Variants in CCDC192 observed in about 807,000 individuals in gnomAD.
CCDC192 encodes coiled-coil domain-containing protein 192.
intron 2 of CCDC192, among the ~76,000 whole-genome samples, chr5:127,735,096 A>T (rs1752893567): frequency 1.5e-5 from 2 of 129,394 alleles, no homozygotes; most frequent in Admixed American, 1.6e-4. Flanking sequence ...TCTTGAATTG[A>T]TTTTTGTATA....
chr5:127,903,056 T>A (rs1753087168), intron 6 of CCDC192, among the ~76,000 whole-genome samples: 1 of 152,126 alleles, frequency 6.6e-6, no homozygotes, highest in Non-Finnish European at 1.5e-5. Flanking sequence ...CAGGAATCCA[T>A]CTGTCTCCCA....
At chr5:127,816,686 C>T (rs1227140850) in intron 5 of CCDC192, among the ~76,000 whole-genome samples, 1 of 152,174 alleles carries the variant, frequency 6.6e-6, no homozygotes, top group Middle Eastern at 3.2e-3. Context: ...ACAGAGGGCA[C>T]ATAGCAGCTA....
intron 6 of CCDC192, among the ~76,000 whole-genome samples, chr5:127,902,220 C>T (rs181373282): frequency 1.4e-4 from 22 of 152,110 alleles, no homozygotes; most frequent in Admixed American, 2.0e-4. Flanking sequence ...TTCAGTGAGT[C>T]GACATCCTGC....
chr5:127,870,025 G>C (rs1169905450), intron 5 of CCDC192, among the ~76,000 whole-genome samples: 1 of 152,122 alleles, frequency 6.6e-6, no homozygotes, highest in Non-Finnish European at 1.5e-5. Flanking sequence ...GTATCAACTA[G>C]CTCCCCAAAA....
chr5:127,826,639 T>C (rs1749545938), intron 5 of CCDC192, among the ~76,000 whole-genome samples: 1 of 145,150 alleles, frequency 6.9e-6, no homozygotes, highest in African/African-American at 2.6e-5. Context: ...TGGAGGCTAC[T>C]AGATGGGAGA....
At chr5:127,786,337 GAAA>G (rs537299729) in intron 3 of CCDC192, 8 of 544,764 alleles carry the variant, frequency 1.5e-5, no homozygotes, top group Non-Finnish European at 2.7e-5. Context: ...CTCTGTGACA[GAAA>G]AAAAAAAGAG....
chr5:127,834,189 A>T (rs1430948082), intron 5 of CCDC192, among the ~76,000 whole-genome samples: 1 of 152,160 alleles, frequency 6.6e-6, no homozygotes, highest in Non-Finnish European at 1.5e-5. Context: ...GGAATCTACA[A>T]AACAGATTAC....
intron 2 of CCDC192, among the ~76,000 whole-genome samples, chr5:127,715,927 C>T (rs545756005): frequency 6.6e-6 from 1 of 152,132 alleles, no homozygotes; most frequent in Non-Finnish European, 1.5e-5. Context: ...GCTTCCAGTA[C>T]TATGTTGAAT....
intron 2 of CCDC192, among the ~76,000 whole-genome samples, chr5:127,752,824 T>C (rs1396312912): frequency 1.3e-5 from 2 of 152,098 alleles, no homozygotes; most frequent in African/African-American, 4.8e-5. Flanking sequence ...GGTGCGCCGT[T>C]TTTTAAGCCG....
At chr5:127,753,395 G>C (rs534119524) in intron 2 of CCDC192, among the ~76,000 whole-genome samples, 3 of 152,244 alleles carry the variant, frequency 2.0e-5, no homozygotes, top group Admixed American at 2.0e-4. Context: ...CTGAGAAAAA[G>C]TAACTTTAGA....
chr5:127,756,341 A>G (rs1030799469), intron 3 of CCDC192, among the ~76,000 whole-genome samples: 17 of 152,176 alleles, frequency 1.1e-4, no homozygotes, highest in African/African-American at 4.1e-4. Flanking sequence ...TTATTACTCA[A>G]ATCAGTCTCC....
chr5:127,883,665 C>T (rs1480044778), intron 6 of CCDC192, among the ~76,000 whole-genome samples: 1 of 152,196 alleles, frequency 6.6e-6, no homozygotes, highest in Admixed American at 6.5e-5. Context: ...AGATTTATTG[C>T]ACAGAAGATC....
At chr5:127,703,599 T>G in intron 1 of CCDC192, 92 bp downstream of exon 1, 1 of 392,970 alleles carries the variant, frequency 2.5e-6, no homozygotes, top group Non-Finnish European at 4.5e-6. Flanking sequence ...AATCTTTCTT[T>G]AAAGTCTGGG....
At chr5:127,929,494 A>T (rs981755399) in intron 6 of CCDC192, among the ~76,000 whole-genome samples, 1 of 152,218 alleles carries the variant, frequency 6.6e-6, no homozygotes, top group Admixed American at 6.5e-5. Flanking sequence ...TTGGTACAAT[A>T]AAAGATTGCA....
chr5:127,773,736 T>C (rs1755693523), intron 3 of CCDC192, among the ~76,000 whole-genome samples: 1 of 152,218 alleles, frequency 6.6e-6, no homozygotes, highest in South Asian at 2.1e-4. Flanking sequence ...TTGTATGCCA[T>C]ATTTTGTGGG....
chr5:127,895,216 TG>T (rs1299516312), intron 6 of CCDC192, among the ~76,000 whole-genome samples: 1 of 152,166 alleles, frequency 6.6e-6, no homozygotes, highest in Non-Finnish European at 1.5e-5. Flanking sequence ...AGCTGAACAG[TG>T]GCCACCCCTT....
rs539567219 is a variant in CCDC192 at position 127,867,107 on chromosome 5, A to C, written c.412-8431A>C. 2.2e-3 allele frequency among the ~76,000 whole-genome samples: 335 copies of C among 152,266 alleles called. 3 individuals are homozygous for C. Among genetic ancestry groups the C allele is most frequent in the Middle Eastern group, 0.014 (4 of 294 alleles). ...GTAAAGGAGAAGAATATTCATTGGGAAAGTTAATTTAATTAGGTTTTCCTT... is the reference window on the plus strand; with the variant it reads ...GTAAAGGAGAAGAATATTCATTGGGCAAGTTAATTTAATTAGGTTTTCCTT... On this transcript the variant is annotated intron_variant, in intron 5 of 6. Coordinates refer to ENST00000514853, the MANE Select transcript of CCDC192 (RefSeq NM_001317938.2).
At chr5:127,910,541 C>A (rs58316019) in intron 6 of CCDC192, among the ~76,000 whole-genome samples, 31,609 of 152,044 alleles carry the variant, frequency 0.21, 3,425 homozygotes, top group East Asian at 0.32. Flanking sequence ...ATCCATACAG[C>A]CATAAACTCC....
intron 6 of CCDC192, among the ~76,000 whole-genome samples, chr5:127,915,453 C>T (rs1242462634): frequency 2.0e-5 from 3 of 152,236 alleles, no homozygotes; most frequent in Non-Finnish European, 2.9e-5. Flanking sequence ...GCAATCTCTG[C>T]TCCCTGCAGC....
Sources: allele counts gnomAD v4.1 joint callset (sites outside exome capture counted in the v4.1 genomes callset), GRCh38; gene constraint gnomAD v4.1.1; transcripts MANE v1.5; gene names NCBI Gene and HGNC (gene_info 2026-07-23, HGNC 2026-07-21).